CYS1: variants seen among roughly 807,000 people sequenced by gnomAD.
CYS1 encodes cystin-1.
A neutral mutation model predicts 9.6 loss-of-function variants in CYS1; 5 were observed. The ratio of observed to expected loss-of-function variants is 0.52; its 90% CI spans 0.27 to 1.10. CYS1 has a LOEUF of 1.10. CYS1 is among the 50% of genes least tolerant of loss of function. The pLI is 0.11. For missense variants in CYS1, 221 were observed against 207.9 expected (o/e 1.06, Z -0.39); for synonymous variants, 88 against 95.7 (o/e 0.92, Z 0.47).
chr2:10,061,801 G>A (rs879059458), intron 2 of CYS1, among the ~76,000 whole-genome samples: 1 of 152,150 alleles, frequency 6.6e-6, no homozygotes, highest in Non-Finnish European at 1.5e-5. Flanking sequence ...CACCAACACC[G>A]TGGGGCAATT....
chr2:10,070,165 C>T (rs978785523), intron 1 of CYS1, among the ~76,000 whole-genome samples: 3 of 152,112 alleles, frequency 2.0e-5, no homozygotes, highest in Non-Finnish European at 2.9e-5. Context: ...AAGAAGGGAT[C>T]GCGACAACAG....
At chr2:10,074,032 C>T (rs1197467217) in intron 1 of CYS1, among the ~76,000 whole-genome samples, 2 of 152,158 alleles carry the variant, frequency 1.3e-5, no homozygotes, top group African/African-American at 4.8e-5. Flanking sequence ...TTTTATAGAA[C>T]TCCAGAGAGG....
intron 1 of CYS1, among the ~76,000 whole-genome samples, chr2:10,068,087 G>A (rs1176515317): frequency 6.6e-6 from 1 of 152,080 alleles, no homozygotes. Context: ...CCATCTCACT[G>A]ATCCTCTCTT....
At chr2:10,075,265 C>T (rs1445722980) in intron 1 of CYS1, among the ~76,000 whole-genome samples, 2 of 152,240 alleles carry the variant, frequency 1.3e-5, no homozygotes, top group Admixed American at 6.5e-5. Flanking sequence ...ACTTCTGCCT[C>T]GGGTGGGATT....
At chr2:10,072,568 A>C (rs1362701984) in intron 1 of CYS1, among the ~76,000 whole-genome samples, 2 of 152,230 alleles carry the variant, frequency 1.3e-5, no homozygotes, top group Non-Finnish European at 2.9e-5. Context: ...TTTATTCCAT[A>C]GTATGGATAC....
intron 1 of CYS1, among the ~76,000 whole-genome samples, chr2:10,072,952 G>GGGGAGCAGTGCAGATGTGT (rs1558360426): frequency 4.0e-5 from 6 of 151,362 alleles, no homozygotes; most frequent in Admixed American, 1.3e-4. Flanking sequence ...GGTCTGCGCG[G>GGGGAGCAGTGCAGATGTGT]GGGAGCAGTG....
At chr2:10,065,746 T>A (rs1661686488) in intron 2 of CYS1, among the ~76,000 whole-genome samples, 158 bp downstream of exon 2, 1 of 152,192 alleles carries the variant, frequency 6.6e-6, no homozygotes, top group Non-Finnish European at 1.5e-5. Context: ...TGGCAGGACC[T>A]TCCCTTGAGG....
At chr2:10,075,607 C>G (rs1340275215) in intron 1 of CYS1, among the ~76,000 whole-genome samples, 1 of 152,206 alleles carries the variant, frequency 6.6e-6, no homozygotes, top group African/African-American at 2.4e-5. Context: ...TGACTGCTCT[C>G]TTTACACCGT....
intron 2 of CYS1, among the ~76,000 whole-genome samples, chr2:10,061,531 G>A (rs2125287405): frequency 6.6e-6 from 1 of 152,364 alleles, no homozygotes; most frequent in South Asian, 2.1e-4. Context: ...GCTTGCCTGT[G>A]GATGTGAAGC....
intron 2 of CYS1, among the ~76,000 whole-genome samples, chr2:10,061,264 ACAAAAAG>A (rs1558356713): frequency 6.6e-6 from 1 of 152,074 alleles, no homozygotes; most frequent in Non-Finnish European, 1.5e-5. Flanking sequence ...AAACAAACAA[ACAAAAAG>A]GCAGAGTAAG....
chr2:10,073,770 G>A (rs1661807945), intron 1 of CYS1, among the ~76,000 whole-genome samples: 1 of 152,184 alleles, frequency 6.6e-6, no homozygotes. Context: ...ATCTCTCGAA[G>A]AGTGCATGAG....
chr2:10,070,191 G>A lies in CYS1; in HGVS notation c.319-4235C>T, dbSNP rs1332388000. Among the ~76,000 whole-genome samples the A allele has an allele frequency of 3.3e-5, 5 of 152,138 alleles. 1 individual carries two copies. The highest frequency in any genetic ancestry group is 2.1e-4 in the South Asian group (1 of 4,824). On this transcript the variant is annotated intron_variant, in intron 1 of 2. Transcript: ENST00000381813. ...GCGACAACAGCGTCTTCATGCTCCC[G>A]TCTCCTCACCTTCCGGGCCTTGGTG...
intron 1 of CYS1, among the ~76,000 whole-genome samples, chr2:10,071,325 G>A (rs1661765516): frequency 6.6e-6 from 1 of 152,200 alleles, no homozygotes; most frequent in African/African-American, 2.4e-5. Context: ...CTGTCAGGGT[G>A]GACACTGAGC....
In CYS1 at chr2:10,060,199, C is replaced by T. The variant is rs140307912; in HGVS notation, c.372-1241G>A. Reference sequence around the variant, plus strand: ...AGCCAGGTGTTGGATGCTGCCCTCCCAGTGGCCAGCCAGGGACTCTGGGCA... The same window carrying T: ...AGCCAGGTGTTGGATGCTGCCCTCCTAGTGGCCAGCCAGGGACTCTGGGCA... On this transcript the variant is annotated intron_variant, in intron 2 of 2. Transcript: ENST00000381813. 2.2e-4 allele frequency among the ~76,000 whole-genome samples: 33 copies of T among 152,370 alleles called. No individual in the cohort carries two copies. In the East Asian group the frequency reaches 6.4e-3, roughly 29 times the overall value.
In CYS1 at chr2:10,057,285, G is replaced by C. The variant is rs2125285782; in HGVS notation, c.*1568C>G. 6.6e-6 allele frequency: 1 copy of C among 152,388 alleles called. No homozygotes were observed. Among genetic ancestry groups the C allele is most frequent in the African/African-American group, 2.4e-5 (1 of 41,596 alleles). The allele number at this position is 152,388 out of a possible 1,614,324, so 9.4% of individuals were successfully genotyped here. On this transcript the variant is annotated 3_prime_UTR_variant, in exon 3 of 3. Transcript: ENST00000381813. The stretch of plus-strand genomic sequence containing the variant: ...TGCATAAGCAATGGCTCCCAGCTCT[G>C]GGGAGGGTTTGAGCCACGCCCTTGC...
intron 1 of CYS1, among the ~76,000 whole-genome samples, chr2:10,073,039 C>T (rs1661793290): frequency 6.8e-6 from 1 of 146,838 alleles, no homozygotes; most frequent in South Asian, 2.2e-4. Context: ...GGGAGCAGAG[C>T]AGATGTGTGG....
At chr2:10,071,879 T>G (rs1572459188) in intron 1 of CYS1, among the ~76,000 whole-genome samples, 1 of 152,056 alleles carries the variant, frequency 6.6e-6, no homozygotes, top group African/African-American at 2.4e-5. Flanking sequence ...AGGACCAGTG[T>G]GTGTGTGCGC....
intron 2 of CYS1, among the ~76,000 whole-genome samples, chr2:10,065,128 C>T (rs1171723886): frequency 6.6e-6 from 1 of 152,188 alleles, no homozygotes; most frequent in Non-Finnish European, 1.5e-5. Flanking sequence ...CCGGGCTGGG[C>T]CTCAGACCCG....
intron 1 of CYS1, among the ~76,000 whole-genome samples, chr2:10,074,425 C>G (rs1191049985): frequency 6.6e-6 from 1 of 152,194 alleles, no homozygotes; most frequent in Non-Finnish European, 1.5e-5. Context: ...CCTCCCTTAC[C>G]TGGGCTCCTG....
Sources: allele counts gnomAD v4.1 joint callset (sites outside exome capture counted in the v4.1 genomes callset), GRCh38; gene constraint gnomAD v4.1.1; transcripts MANE v1.5; gene names NCBI Gene and HGNC (gene_info 2026-07-23, HGNC 2026-07-21).